Variants in KLKB1 observed in about 807,000 individuals in gnomAD.
KLKB1 encodes the protein plasma kallikrein.
Under a neutral mutation model 73.6 loss-of-function variants are expected in KLKB1, and 58 were observed. That is an observed-to-expected ratio of 0.79 (90% CI 0.64 to 0.98). The LOEUF is 0.98. KLKB1 is among the 50% of genes least tolerant of loss of function. The probability of loss-of-function intolerance (pLI) is 0.00; values close to 1 mark genes in which losing one functional copy is unlikely to be tolerated. For missense variants in KLKB1, 737 were observed against 763.8 expected, an observed-to-expected ratio of 0.96 and a Z score of 0.41; for synonymous variants, 280 against 258.1, an observed-to-expected ratio of 1.08 and a Z score of -0.81.
chr4:186,258,171 C>T lies in KLKB1; in HGVS notation c.1876C>T (p.Gln626Ter), dbSNP rs747157748. The change falls in exon 15 of 15, where the codon CAG becomes TAG. Residue 626 changes from glutamine (Q) to a stop codon, truncating the protein, a stop_gained. Transcript: ENST00000264690. LOFTEE classifies it low-confidence loss of function (END_TRUNC). ...CATGGACTGGATTTTAGAGAAAACACAGAGCAGTGATGGAAAAGCTCAGAT... is the reference window on the plus strand; with the variant it reads ...CATGGACTGGATTTTAGAGAAAACATAGAGCAGTGATGGAAAAGCTCAGAT... Reference protein sequence around the residue: ...EYMDWILEKTQSSDGKAQMQS... With the variant: ...EYMDWILEKT The T allele has an allele frequency of 6.8e-6, 11 of 1,614,024 alleles. No individual in the cohort carries two copies. Among genetic ancestry groups the T allele is most frequent in the Non-Finnish European group, 9.3e-6 (11 of 1,180,040 alleles).
chr4:186,240,923 C>T (rs4253260), intron 6 of KLKB1, among the ~76,000 whole-genome samples: 3 of 152,150 alleles, frequency 2.0e-5, no homozygotes, highest in Admixed American at 6.5e-5. Flanking sequence ...CAGGCAAGCT[C>T]GTGCTGTGGC....
chr4:186,219,273 C>T (rs551666712), intron 2 of KLKB1, among the ~76,000 whole-genome samples: 9 of 152,244 alleles, frequency 5.9e-5, no homozygotes, highest in Non-Finnish European at 1.2e-4. Context: ...AGCCGACACT[C>T]AATATTAACC....
At chr4:186,243,122 G>T (rs1339506842) in intron 6 of KLKB1, among the ~76,000 whole-genome samples, 1 of 152,188 alleles carries the variant, frequency 6.6e-6, no homozygotes, top group Non-Finnish European at 1.5e-5. Context: ...TGCCAGTCCT[G>T]GGCGGGGGCA....
chr4:186,242,229 G>A (rs1423738643), intron 6 of KLKB1, among the ~76,000 whole-genome samples: 2 of 152,154 alleles, frequency 1.3e-5, no homozygotes, highest in Non-Finnish European at 2.9e-5. Flanking sequence ...ATCAGTTAAG[G>A]CAGGAACCGG....
chr4:186,254,202 G>C (rs1738860536), intron 11 of KLKB1, among the ~76,000 whole-genome samples: 1 of 152,246 alleles, frequency 6.6e-6, no homozygotes, highest in African/African-American at 2.4e-5. Context: ...TAGAAGATCA[G>C]CCTGACTTCT....
intron 2 of KLKB1, chr4:186,228,969 G>A (rs1737270158): frequency 6.6e-6 from 1 of 152,018 alleles, no homozygotes; most frequent in African/African-American, 2.4e-5. Flanking sequence ...TCAGATGTAT[G>A]GCTACAATAA....
rs746470337 is a variant in KLKB1 at position 186,251,685 on chromosome 4, T to C, written c.1031+36T>C. On this transcript the variant is annotated intron_variant, in intron 9 of 14. Transcript: ENST00000264690. ...TTTTATTTTTCAAAGACAGTTGACA[T>C]GACCATTTCATATTCTCTTTCCCCC... 5.6e-6 allele frequency: 9 copies of C among 1,608,960 alleles called. No individual in the cohort carries two copies. The East Asian group carries it at 2.0e-4, about 36-fold the overall frequency.
chr4:186,254,472 A>C (rs777516378), intron 11 of KLKB1, 116 bp from the exon 12 acceptor site: 12 of 887,354 alleles, frequency 1.4e-5, no homozygotes, highest in Non-Finnish European at 2.1e-5. Context: ...TAGGTAGGAG[A>C]AAATGTGTCC....
In KLKB1 at chr4:186,251,299, G is replaced by A. The variant is rs1738660619; in HGVS notation, c.839G>A (p.Ser280Asn). 2 of 1,610,328 alleles carry A rather than the reference G, an allele frequency of 1.2e-6. No individual in the cohort carries two copies. The highest frequency in any genetic ancestry group is 1.7e-6 in the Non-Finnish European group (2 of 1,176,750). The change falls in exon 8 of 15, where the codon AGC becomes AAC. Residue 280 changes from serine to asparagine, a missense_variant. Coordinates refer to ENST00000264690, the MANE Select transcript of KLKB1 (RefSeq NM_000892.5). ...CAAGAAAACACCATATCTGGATATA[G>A]CCTTTTAACCTGCAAAAGAACTTTA... ...TPQENTISGY[S>N]LLTCKRTLPE...
At chr4:186,247,144 A>G (rs1054882452) in intron 6 of KLKB1, among the ~76,000 whole-genome samples, 10 of 152,164 alleles carry the variant, frequency 6.6e-5, no homozygotes, top group African/African-American at 2.4e-4. Flanking sequence ...GATCTTTCTC[A>G]TGGAGCAAAG....
At chr4:186,236,099 G>C (rs1737672110) in intron 4 of KLKB1, among the ~76,000 whole-genome samples, 1 of 122,068 alleles carries the variant, frequency 8.2e-6, no homozygotes, top group East Asian at 2.4e-4. Flanking sequence ...GGGCGACAGA[G>C]CGAGACTCCG....
At chr4:186,221,157 C>T (rs1435320727) in intron 2 of KLKB1, among the ~76,000 whole-genome samples, 1 of 151,652 alleles carries the variant, frequency 6.6e-6, no homozygotes, top group East Asian at 1.9e-4. Flanking sequence ...AATCTTTCCT[C>T]CTTCATTTAT....
Position 186,232,259 on chromosome 4 carries a change from C to T in KLKB1, c.191C>T (p.Pro64Leu), listed in dbSNP as rs902620270. ...HPRCLLFSFLPASSINDMEKR... is the reference protein window; with the variant it reads ...HPRCLLFSFLLASSINDMEKR... The stretch of plus-strand genomic sequence containing the variant: ...AGGTGTTTGCTATTCAGTTTTCTTC[C>T]AGCAAGTTCAATCAATGACATGGAG... Residue 64 changes from proline to leucine, a missense_variant, in exon 3 of 15, where the codon CCA becomes CTA. By Grantham distance (98) the Pro-to-Leu change is moderately conservative (BLOSUM62 -3). Coordinates refer to ENST00000264690, the MANE Select transcript of KLKB1 (RefSeq NM_000892.5). 6.2e-7 allele frequency: 1 copy of T among 1,614,090 alleles called. No homozygotes were observed. The highest frequency in any genetic ancestry group is 8.5e-7 in the Non-Finnish European group (1 of 1,179,966).
chr4:186,249,941 A>T (rs1738576058), intron 6 of KLKB1, among the ~76,000 whole-genome samples: 1 of 152,168 alleles, frequency 6.6e-6, no homozygotes, highest in Non-Finnish European at 1.5e-5. Flanking sequence ...GAGTCAGAGT[A>T]ATATAAAGGA....
intron 3 of KLKB1, 91 bp downstream of exon 3, chr4:186,232,380 C>T (rs1035341072): frequency 1.6e-6 from 2 of 1,224,582 alleles, no homozygotes; most frequent in Non-Finnish European, 1.2e-6. Flanking sequence ...AGAGTTCTTC[C>T]TCACACGGGG....
intron 12 of KLKB1, among the ~76,000 whole-genome samples, chr4:186,254,992 G>A (rs1738916666): frequency 1.3e-5 from 2 of 152,214 alleles, no homozygotes; most frequent in African/African-American, 4.8e-5. Context: ...GGATACAACT[G>A]CATGCAGGTG....
At position 186,251,448 on chromosome 4, in the gene KLKB1, T is replaced by C; in HGVS notation, c.869-39T>C. On this transcript the variant is annotated intron_variant, in intron 8 of 14. Transcript: ENST00000264690. The stretch of plus-strand genomic sequence containing the variant: ...CTTGTGTAAATGTCGTTCATTGCTT[T>C]TCCCATCTGATATCTTTTTGTGTTT... The C allele has an allele frequency of 1.2e-6, 2 of 1,600,636 alleles. 1 individual carries two copies. The highest frequency in any genetic ancestry group is 2.2e-5 in the South Asian group (2 of 90,812).
intron 6 of KLKB1, among the ~76,000 whole-genome samples, chr4:186,249,594 G>T (rs780995082): frequency 6.6e-6 from 1 of 152,006 alleles, no homozygotes; most frequent in African/African-American, 2.4e-5. Context: ...TGGTTATTCC[G>T]GATCTTTTGC....
At chr4:186,219,435 A>T (rs1380729954) in intron 2 of KLKB1, among the ~76,000 whole-genome samples, 1 of 152,168 alleles carries the variant, frequency 6.6e-6, no homozygotes, top group Non-Finnish European at 1.5e-5. Context: ...CCAATCCCCA[A>T]CCCAAATGCT....
Sources: allele counts gnomAD v4.1 joint callset (sites outside exome capture counted in the v4.1 genomes callset), GRCh38; gene constraint gnomAD v4.1.1; transcripts MANE v1.5; gene names NCBI Gene and HGNC (gene_info 2026-07-23, HGNC 2026-07-21).